Variants in VWA8 observed in about 807,000 individuals in gnomAD.
VWA8 encodes von Willebrand factor A domain containing 8, also known as von Willebrand factor A domain-containing protein 8.
Under a neutral mutation model 241.5 loss-of-function variants are expected in VWA8, and 221 were observed. The observed-to-expected ratio is 0.91, with a 90% CI of 0.82 to 1.02. The LOEUF (loss-of-function observed/expected upper bound fraction) is 1.02, where lower values mean the gene tolerates loss of function less well. Among genes scored for constraint, VWA8 ranks in the 50% least tolerant of loss-of-function variants. VWA8 has a pLI of 0.00. For synonymous variants in VWA8, 852 were observed against 827.1 expected (o/e 1.03, Z -0.52); for missense variants, 2,322 against 2,328.7 (o/e 1.00, Z 0.06).
intron 14 of VWA8, among the ~76,000 whole-genome samples, chr13:41,825,141 A>T (rs1425656001): frequency 6.6e-6 from 1 of 152,222 alleles, no homozygotes; most frequent in Non-Finnish European, 1.5e-5. Flanking sequence ...ATTTATTTAC[A>T]TATCTGTCTT....
intron 40 of VWA8, among the ~76,000 whole-genome samples, chr13:41,595,935 C>A (rs1027342223): frequency 1.3e-5 from 2 of 152,130 alleles, no homozygotes; most frequent in African/African-American, 4.8e-5. Flanking sequence ...AATTTACATT[C>A]CTGTGAGCGG....
intron 12 of VWA8, among the ~76,000 whole-genome samples, chr13:41,863,419 GTGTGTGTGTGTGTGT>G (rs1873108228): frequency 1.4e-5 from 1 of 70,074 alleles, no homozygotes; most frequent in Non-Finnish European, 3.0e-5. Context: ...GTGTGTGTGT[GTGTGTGTGTGTGTGT>G]ATATATATAT....
intron 17 of VWA8, among the ~76,000 whole-genome samples, chr13:41,809,926 C>A (rs540622692): frequency 6.6e-6 from 1 of 152,042 alleles, no homozygotes; most frequent in South Asian, 2.1e-4. Context: ...TCTGATTATA[C>A]AATGCATGAA....
intron 17 of VWA8, among the ~76,000 whole-genome samples, chr13:41,804,613 G>A (rs780789551): frequency 2.6e-5 from 4 of 152,026 alleles, no homozygotes; most frequent in Non-Finnish European, 4.4e-5. Context: ...TACAGAAAAA[G>A]ACAGAATGTC....
At chr13:41,726,832 T>C (rs564330125) in intron 24 of VWA8, among the ~76,000 whole-genome samples, 16 of 152,048 alleles carry the variant, frequency 1.1e-4, no homozygotes, top group African/African-American at 3.9e-4. Context: ...CCATCTCTAC[T>C]AAAAATACAA....
chr13:41,897,565 G>A (rs78187055), intron 4 of VWA8, among the ~76,000 whole-genome samples: 2,657 of 152,252 alleles, frequency 0.017, 70 homozygotes, highest in African/African-American at 0.06. Flanking sequence ...ATGTATTAAA[G>A]TATTGTGTCC....
At chr13:41,875,416 T>C (rs925149441) in intron 9 of VWA8, among the ~76,000 whole-genome samples, 8 of 152,066 alleles carry the variant, frequency 5.3e-5, no homozygotes, top group Admixed American at 2.6e-4. Flanking sequence ...CCAGAAACAG[T>C]CATTTCTTCA....
At chr13:41,920,749 A>T (rs539506518) in intron 2 of VWA8, among the ~76,000 whole-genome samples, 107 of 152,332 alleles carry the variant, frequency 7.0e-4, no homozygotes, top group South Asian at 6.2e-4. Flanking sequence ...GAAGAAGGTG[A>T]ATCCCTGAAA....
chr13:41,788,310 C>T (rs990860322), intron 17 of VWA8, among the ~76,000 whole-genome samples: 1 of 152,140 alleles, frequency 6.6e-6, no homozygotes, highest in Admixed American at 6.6e-5. Context: ...CACTTTTAAA[C>T]AATTTGGGTT....
chr13:41,629,280 G>A (rs1462394771), intron 37 of VWA8, among the ~76,000 whole-genome samples: 1 of 151,996 alleles, frequency 6.6e-6, no homozygotes, highest in African/African-American at 2.4e-5. Flanking sequence ...AAATCCCAGT[G>A]ACATACAACT....
At chr13:41,760,833 T>C (rs1014526749) in intron 21 of VWA8, among the ~76,000 whole-genome samples, 16 of 151,964 alleles carry the variant, frequency 1.1e-4, no homozygotes, top group Admixed American at 2.0e-4. Flanking sequence ...TCCTACATGT[T>C]TTTCTTCTAA....
chr13:41,627,425 A>G (rs1490033555), intron 37 of VWA8, among the ~76,000 whole-genome samples: 1 of 152,206 alleles, frequency 6.6e-6, no homozygotes, highest in Non-Finnish European at 1.5e-5. Context: ...ATTTTGGTGA[A>G]CCAGCCAGGA....
rs1480580762 is a variant in VWA8, at chr13:41,614,981, C to G, written c.4715G>C (p.Gly1572Ala). ...PHVGGNTWAG[G>A]TGGRDTAGLG... is the part of the protein sequence containing the mutation. ...AGAATGCCTGTGCTACCAACCTGTT[C>G]CGCCAGCCCAAGTGTTGCCGCCCAC... Residue 1572 changes from glycine (G) to alanine (A), a missense_variant, in exon 38 of 45, where the codon GGA becomes GCA. Physicochemically the swap from Gly to Ala is moderately conservative, Grantham distance 60 (BLOSUM62 0). Transcript: ENST00000379310. The G allele has an allele frequency of 1.6e-5, 26 of 1,612,972 alleles. No individual in the cohort carries two copies. The highest frequency in any genetic ancestry group is 2.2e-5 in the Non-Finnish European group (26 of 1,179,944).
At chr13:41,768,997 C>T (rs564610813) in intron 20 of VWA8, among the ~76,000 whole-genome samples, 241 of 151,466 alleles carry the variant, frequency 1.6e-3, no homozygotes, top group African/African-American at 5.4e-3. Context: ...GCACCTCCTG[C>T]GGTCAGGTGA....
chr13:41,812,174 A>C (rs1453814389), intron 16 of VWA8, among the ~76,000 whole-genome samples: 1 of 152,198 alleles, frequency 6.6e-6, no homozygotes, highest in Non-Finnish European at 1.5e-5. Context: ...TGCTTAGCAC[A>C]TGTCACACAC....
intron 2 of VWA8, among the ~76,000 whole-genome samples, chr13:41,913,892 A>G (rs1381097107): frequency 6.6e-6 from 1 of 152,220 alleles, no homozygotes; most frequent in African/African-American, 2.4e-5. Flanking sequence ...CCCTAGCGGG[A>G]TAAAAGTTGG....
At position 41,623,821 on chromosome 13, in the gene VWA8, G is replaced by A. The variant is rs2044672399; in HGVS notation, c.4612-8737C>T. Among the ~76,000 whole-genome samples the A allele has an allele frequency of 2.0e-5, 3 of 152,230 alleles. No homozygotes were observed. In the South Asian group the frequency reaches 6.2e-4, roughly 32 times the overall value. ...ACAAGATGATACAGGCTATGATAAG[G>A]TTCTGAATATACCTGCCTAAAACAA... On this transcript the variant is annotated intron_variant, in intron 37 of 44. Coordinates refer to ENST00000379310, the MANE Select transcript of VWA8 (RefSeq NM_015058.2).
At chr13:41,584,975 AGTGC>A (rs2044407195) in intron 42 of VWA8, among the ~76,000 whole-genome samples, 1 of 152,094 alleles carries the variant, frequency 6.6e-6, no homozygotes, top group African/African-American at 2.4e-5. Flanking sequence ...TACCCAGCAG[AGTGC>A]TCTACTCTTA....
chr13:41,822,977 C>T (rs867800560), intron 14 of VWA8, among the ~76,000 whole-genome samples: 67 of 152,046 alleles, frequency 4.4e-4, no homozygotes, highest in African/African-American at 1.6e-3. Context: ...TCGGGGATGA[C>T]AAGGCAAAGG....
Sources: gnomAD v4.1 joint callset for allele counts (sites outside exome capture counted in the v4.1 genomes callset) on GRCh38, gnomAD v4.1.1 for gene constraint, MANE v1.5 for transcripts, NCBI Gene and HGNC (gene_info 2026-07-23, HGNC 2026-07-21) for gene names.